The following FAM53A variants were observed in gnomAD, a reference collection of about 807,000 sequenced individuals.
FAM53A encodes the protein family with sequence similarity 53 member A, also known as protein FAM53A.
In FAM53A, 28 loss-of-function variants were observed where a neutral mutation model predicts 26.6. The ratio of observed to expected loss-of-function variants is 1.05; its 90% CI spans 0.78 to 1.45. The LOEUF is 1.45. Ranked by LOEUF, FAM53A falls within the 40% of genes most tolerant of loss-of-function variation. The probability of loss-of-function intolerance (pLI) is 0.00; values close to 1 mark genes in which losing one functional copy is unlikely to be tolerated. For missense variants in FAM53A, 650 were observed against 575.8 expected (o/e 1.13, Z -1.32); for synonymous variants, 290 against 253.1 (o/e 1.15, Z -1.38).
At chr4:1,677,177 G>A (rs1475297364) in intron 1 of FAM53A, among the ~76,000 whole-genome samples, 1 of 152,146 alleles carries the variant, frequency 6.6e-6, no homozygotes, top group Non-Finnish European at 1.5e-5. Context: ...CCCACTCCCA[G>A]GATGCCTGCT....
chr4:1,625,791 A>G (rs2108756963), intron 1 of FAM53A, among the ~76,000 whole-genome samples: 1 of 151,826 alleles, frequency 6.6e-6, no homozygotes, highest in African/African-American at 2.4e-5. Context: ...GGTGATCAGA[A>G]GGCCCCACGT....
the FAM53A span, among the ~76,000 whole-genome samples, chr4:1,580,449 G>T: frequency 5.7e-3 from 874 of 152,266 alleles, 19 homozygotes; most frequent in Middle Eastern, 0.031. Context: ...GGCAGAACCG[G>T]ACGGCGCAAC....
chr4:1,612,383 C>T, the FAM53A span, among the ~76,000 whole-genome samples: 13 of 152,212 alleles, frequency 8.5e-5, no homozygotes, highest in African/African-American at 2.9e-4. Context: ...ACTGGGCTCC[C>T]GCCAGGGCCT....
rs1337939241 is a variant in FAM53A, at chr4:1,655,418, C to A, written c.442G>T (p.Val148Phe). 20 of 1,490,674 alleles carry A rather than the reference C, an allele frequency of 1.3e-5. No homozygotes were observed. The highest frequency in any genetic ancestry group is 1.5e-5 in the Non-Finnish European group (17 of 1,121,460). 92.3% of individuals were successfully genotyped at this position (1,490,674 alleles called of 1,614,324 possible). A position where few individuals can be genotyped will look rare whatever the true frequency, so the allele number is the denominator to read the frequency against. The change falls in exon 4 of 5, where the codon GTC (valine) becomes TTC (phenylalanine). Residue 148 changes from valine (V) to phenylalanine (F), a missense_variant. Physicochemically the swap from Val to Phe is conservative, Grantham distance 50 (BLOSUM62 -1). Coordinates refer to ENST00000308132, the MANE Select transcript of FAM53A (RefSeq NM_001174070.3). ...CCGCTGTCGCACCGCCTCTTGGAGA[C>A]TGGAGTCCAGACCTTGGAGCTGCCG... ...RPGSSKVWTP[V>F]SKRRCDSGGS...
downstream of FAM53A, among the ~76,000 whole-genome samples, chr4:1,615,776 G>T (rs1714791503): frequency 6.6e-6 from 1 of 152,264 alleles, no homozygotes; most frequent in African/African-American, 2.4e-5. Flanking sequence ...TTATCAAGGA[G>T]GCAAATGTGC....
chr4:1,601,424 C>T, the FAM53A span, among the ~76,000 whole-genome samples: 1 of 112,214 alleles, frequency 8.9e-6, no homozygotes, highest in Non-Finnish European at 2.2e-5. Context: ...CAGGGCGTGG[C>T]GGGAGGAGCT....
chr4:1,629,444 C>T (rs762845070), intron 1 of FAM53A, among the ~76,000 whole-genome samples: 47 of 152,222 alleles, frequency 3.1e-4, no homozygotes, highest in Non-Finnish European at 6.3e-4. Context: ...TCCTGGGCCT[C>T]GACTGTGCCC....
chr4:1,650,383 G>GA (rs1712668361), intron 4 of FAM53A, among the ~76,000 whole-genome samples: 1 of 99,918 alleles, frequency 1.0e-5, no homozygotes, highest in African/African-American at 4.6e-5. Context: ...CAGGTGTGGT[G>GA]TTTGTGAGGT....
rs368847288 is a variant in FAM53A at position 1,674,617 on chromosome 4, C to T, written c.-164-5712G>A. ...CCAGGAGGCGGAGGTTGCAGTGAGC[C>T]GAGATCATGCCACTGCACTCCAGCT... is the stretch of plus-strand genomic sequence containing the variant. On this transcript the variant is annotated intron_variant, in intron 1 of 4. Coordinates refer to ENST00000308132, the MANE Select transcript of FAM53A (RefSeq NM_001174070.3). 2.2e-3 allele frequency among the ~76,000 whole-genome samples: 333 copies of T among 151,552 alleles called. 2 individuals are homozygous for T. The highest frequency in any genetic ancestry group is 7.8e-3 in the African/African-American group (320 of 41,274).
chr4:1,626,290 T>C (rs9994729), intron 1 of FAM53A, among the ~76,000 whole-genome samples: 61,793 of 152,088 alleles, frequency 0.41, 13,562 homozygotes, highest in African/African-American at 0.56. Context: ...GAACAGACGG[T>C]GGCCGTCACG....
chr4:1,662,318 A>G (rs1297138578), intron 2 of FAM53A, among the ~76,000 whole-genome samples: 1 of 151,928 alleles, frequency 6.6e-6, no homozygotes, highest in African/African-American at 2.4e-5. Context: ...ATCTCTACTA[A>G]AAATATAAAA....
At chr4:1,585,469 G>A in the FAM53A span, among the ~76,000 whole-genome samples, 5 of 151,544 alleles carry the variant, frequency 3.3e-5, no homozygotes, top group Admixed American at 6.6e-5. Context: ...GTTTTAGTAG[G>A]GACGGGGTTT....
intron 1 of FAM53A, among the ~76,000 whole-genome samples, chr4:1,672,430 G>T (rs1714747706): frequency 6.6e-6 from 1 of 152,212 alleles, no homozygotes; most frequent in Non-Finnish European, 1.5e-5. Flanking sequence ...TGAGGTGGGG[G>T]TGGCGGGAAG....
chr4:1,657,059 C>A (rs895113657), intron 3 of FAM53A, among the ~76,000 whole-genome samples: 2 of 152,230 alleles, frequency 1.3e-5, no homozygotes, highest in African/African-American at 4.8e-5. Context: ...CCAGCTGACG[C>A]TACAAGCCCT....
At chr4:1,614,519 G>C (rs146538168), downstream of FAM53A, among the ~76,000 whole-genome samples, 1,232 of 150,024 alleles carry the variant, frequency 8.2e-3, 84 homozygotes, top group East Asian at 0.17. Flanking sequence ...GGGATGCAGA[G>C]ACGTGAGGGG....
chr4:1,653,171 C>T (rs1713030282), intron 4 of FAM53A, among the ~76,000 whole-genome samples: 1 of 152,122 alleles, frequency 6.6e-6, no homozygotes, highest in Non-Finnish European at 1.5e-5. Flanking sequence ...CATTTGACGG[C>T]AGCCCTGCCC....
the FAM53A span, among the ~76,000 whole-genome samples, chr4:1,596,166 C>A: frequency 6.6e-6 from 1 of 152,190 alleles, no homozygotes; most frequent in Non-Finnish European, 1.5e-5. Context: ...CACAGAATCA[C>A]CAGGCCACCT....
chr4:1,626,021 C>T (rs1027153330), intron 1 of FAM53A, among the ~76,000 whole-genome samples: 1 of 152,194 alleles, frequency 6.6e-6, no homozygotes, highest in African/African-American at 2.4e-5. Flanking sequence ...GGCGGCCCAG[C>T]ATGTTTTTCC....
chr4:1,608,766 G>A, the FAM53A span, among the ~76,000 whole-genome samples: 78 of 152,308 alleles, frequency 5.1e-4, no homozygotes, highest in African/African-American at 1.7e-3. Flanking sequence ...AGGGAGAGCC[G>A]TTTGGATCTG....
Sources: allele counts gnomAD v4.1 joint callset (sites outside exome capture counted in the v4.1 genomes callset), GRCh38; gene constraint gnomAD v4.1.1; transcripts MANE v1.5; gene names NCBI Gene and HGNC (gene_info 2026-07-23, HGNC 2026-07-21).